Variants in CRYBG1 observed in about 807,000 individuals in gnomAD.
CRYBG1 encodes beta/gamma crystallin domain-containing protein 1.
A neutral mutation model predicts 189.2 loss-of-function variants in CRYBG1; 139 were observed. The ratio of observed to expected loss-of-function variants is 0.73; its 90% CI spans 0.64 to 0.85. The LOEUF (loss-of-function observed/expected upper bound fraction) is 0.85. Among genes scored for constraint, CRYBG1 ranks in the 40% least tolerant of loss-of-function variants. The probability of loss-of-function intolerance (pLI) is 0.00; values close to 1 mark genes in which losing one functional copy is unlikely to be tolerated. For missense variants in CRYBG1, 2,611 were observed against 2,675.8 expected (o/e 0.98, Z 0.53); for synonymous variants, 1,023 against 1,017.1 (o/e 1.01, Z -0.11).
intron 2 of CRYBG1, among the ~76,000 whole-genome samples, chr6:106,510,748 A>C (rs939931516): frequency 6.6e-6 from 1 of 152,234 alleles, no homozygotes; most frequent in African/African-American, 2.4e-5. Flanking sequence ...AGGAACTCCC[A>C]CAGGCAAAAG....
chr6:106,438,096 G>T, intron 1 of CRYBG1, among the ~76,000 whole-genome samples: 1 of 152,130 alleles, frequency 6.6e-6, no homozygotes, highest in Non-Finnish European at 1.5e-5. Context: ...CTTCCACAGG[G>T]CTTAGTAGAG....
chr6:106,566,616 T>C (rs1171612225), intron 21 of CRYBG1, among the ~76,000 whole-genome samples: 2 of 151,776 alleles, frequency 1.3e-5, no homozygotes, highest in African/African-American at 4.8e-5. Flanking sequence ...GGATTACAGG[T>C]GCCTGCCACC....
chr6:106,520,434 A>G lies in CRYBG1; in HGVS notation c.3226A>G (p.Thr1076Ala). 1 of 1,614,160 alleles carries G rather than the reference A, an allele frequency of 6.2e-7. No homozygotes were observed. Among genetic ancestry groups the G allele is most frequent in the Non-Finnish European group, 8.5e-7 (1 of 1,180,026 alleles). The change falls in exon 4 of 22, where the codon ACT (threonine) becomes GCT (alanine). Residue 1076 changes from threonine (T) to alanine (A), a missense_variant. Physicochemically the swap from Thr to Ala is moderately conservative, Grantham distance 58 (BLOSUM62 0). This residue lies in a region of CRYBG1 where 1,622 missense variants were observed against 1,735.0 expected (regional missense o/e 0.93). Transcript: ENST00000633556. ...HLATPQRPDQ[T>A]VTNGQDSPAS... ...AGCCACTCCTCAAAGGCCAGATCAG[A>G]CTGTTACAAATGGCCAGGATAGCCC...
chr6:106,444,830 C>A (rs1319038292), intron 1 of CRYBG1, among the ~76,000 whole-genome samples: 1 of 152,160 alleles, frequency 6.6e-6, no homozygotes, highest in African/African-American at 2.4e-5. Context: ...GGAGATGGCT[C>A]CCAGCCTTCA....
intron 3 of CRYBG1, 115 bp from the exon 4 acceptor site, chr6:106,519,016 C>A (rs1773514805): frequency 1.7e-5 from 19 of 1,089,596 alleles, no homozygotes; most frequent in South Asian, 8.0e-5. Context: ...CACCACACTC[C>A]AAATGTTATA....
chr6:106,375,998 TTC>T (rs201451043), intron 1 of CRYBG1, among the ~76,000 whole-genome samples: 49 of 152,164 alleles, frequency 3.2e-4, no homozygotes, highest in African/African-American at 9.4e-4. Flanking sequence ...AATATGGTAT[TTC>T]TCTCTCTCTC....
At chr6:106,549,668 G>A (rs1774353099) in intron 13 of CRYBG1, among the ~76,000 whole-genome samples, 1 of 151,944 alleles carries the variant, frequency 6.6e-6, no homozygotes, top group African/African-American at 2.4e-5. Flanking sequence ...GGTGGTAGGG[G>A]GCTGTATTTC....
At chr6:106,560,996 T>C (rs1222020412) in intron 19 of CRYBG1, 70 bp downstream of exon 19, 1 of 1,450,340 alleles carries the variant, frequency 6.9e-7, no homozygotes, top group African/African-American at 1.4e-5. Context: ...AATCCAACTT[T>C]TTATCCAATT....
At chr6:106,545,362 T>C (rs754433111) in intron 13 of CRYBG1, among the ~76,000 whole-genome samples, 24 of 152,260 alleles carry the variant, frequency 1.6e-4, no homozygotes, top group Non-Finnish European at 3.2e-4. Flanking sequence ...ATAATTGTTC[T>C]ATGTACGTGG....
intron 1 of CRYBG1, among the ~76,000 whole-genome samples, chr6:106,424,193 T>C (rs1337552204): frequency 3.3e-5 from 5 of 152,230 alleles, no homozygotes; most frequent in African/African-American, 1.2e-4. Context: ...CCAAACTACG[T>C]TTCTAGGAAC....
At chr6:106,404,152 T>C (rs1335717341) in intron 1 of CRYBG1, among the ~76,000 whole-genome samples, 3 of 152,336 alleles carry the variant, frequency 2.0e-5, no homozygotes, top group South Asian at 4.1e-4. Flanking sequence ...GGTGGTGTTA[T>C]GACCATCTTA....
At chr6:106,387,975 T>G (rs1445170944) in intron 1 of CRYBG1, among the ~76,000 whole-genome samples, 3 of 152,186 alleles carry the variant, frequency 2.0e-5, no homozygotes, top group African/African-American at 4.8e-5. Flanking sequence ...TTTAAAACAT[T>G]TATTGAGCCA....
intron 2 of CRYBG1, among the ~76,000 whole-genome samples, chr6:106,486,754 G>T (rs995518065): frequency 6.6e-6 from 1 of 151,638 alleles, no homozygotes; most frequent in Admixed American, 6.6e-5. Context: ...GTTCACTTTT[G>T]GTTTCCATTT....
At chr6:106,411,289 T>C (rs1021914581) in intron 1 of CRYBG1, among the ~76,000 whole-genome samples, 1 of 152,162 alleles carries the variant, frequency 6.6e-6, no homozygotes, top group East Asian at 1.9e-4. Flanking sequence ...TACTTTTGAT[T>C]GGGAAAACTT....
At chr6:106,497,708 C>A (rs533421817) in intron 2 of CRYBG1, among the ~76,000 whole-genome samples, 11 of 152,330 alleles carry the variant, frequency 7.2e-5, no homozygotes, top group African/African-American at 2.2e-4. Flanking sequence ...CCCTTTTCAC[C>A]CTGCAGTTTT....
At chr6:106,410,189 C>T (rs1331699257) in intron 1 of CRYBG1, among the ~76,000 whole-genome samples, 1 of 152,028 alleles carries the variant, frequency 6.6e-6, no homozygotes, top group Non-Finnish European at 1.5e-5. Context: ...AAAAAACAAC[C>T]CCATCAAAAA....
chr6:106,365,575 A>C (rs1334004724), intron 1 of CRYBG1, among the ~76,000 whole-genome samples: 1 of 151,134 alleles, frequency 6.6e-6, no homozygotes, highest in African/African-American at 2.4e-5. Flanking sequence ...GGTGTGAGCC[A>C]CCACATGTGG....
At chr6:106,366,395 C>T (rs1771999105) in intron 1 of CRYBG1, among the ~76,000 whole-genome samples, 1 of 152,180 alleles carries the variant, frequency 6.6e-6, no homozygotes, top group African/African-American at 2.4e-5. Context: ...AAGTCTGCCA[C>T]TAGCTGTGAG....
intron 1 of CRYBG1, among the ~76,000 whole-genome samples, chr6:106,408,697 A>G (rs1255622402): frequency 6.6e-6 from 1 of 152,226 alleles, no homozygotes; most frequent in Non-Finnish European, 1.5e-5. Context: ...CATCCCTGGG[A>G]TGATGCAAGG....
Sources: gnomAD v4.1 joint callset for allele counts (sites outside exome capture counted in the v4.1 genomes callset) on GRCh38, gnomAD v4.1.1 for gene constraint, gnomAD v4.1.1 regional missense constraint, MANE v1.5 for transcripts, NCBI Gene and HGNC (gene_info 2026-07-23, HGNC 2026-07-21) for gene names.